PDXDC1: variants seen among roughly 807,000 people sequenced by gnomAD.
The protein encoded by PDXDC1 is pyridoxal dependent decarboxylase domain containing 1.
In PDXDC1, 42 loss-of-function variants were observed where a neutral mutation model predicts 100.1. That is an observed-to-expected ratio of 0.42 (90% CI 0.33 to 0.54). The LOEUF is 0.54. Ranked by LOEUF, PDXDC1 falls within the 20% of genes least tolerant of loss-of-function variation. PDXDC1 has a pLI of 0.10. For missense variants in PDXDC1, 636 were observed against 979.2 expected, an observed-to-expected ratio of 0.65 and a Z score of 4.68; for synonymous variants, 260 against 371.7, an observed-to-expected ratio of 0.70 and a Z score of 3.46.
downstream of PDXDC1, among the ~76,000 whole-genome samples, chr16:15,141,241 C>G (rs1175512099): frequency 6.6e-6 from 1 of 152,246 alleles, no homozygotes; most frequent in African/African-American, 2.4e-5. Context: ...GACGCACACA[C>G]AGGCTGCCTG....
intron 16 of PDXDC1, 112 bp from the exon 17 acceptor site, chr16:15,031,623 G>A (rs942762139): frequency 2.3e-5 from 19 of 837,952 alleles, no homozygotes; most frequent in Admixed American, 9.7e-5. Context: ...CATGGCTCCC[G>A]GTAACTGGAG....
At chr16:14,976,225 GTGCATACCCGGTTTTTCA>G (rs1243434637) in intron 1 of PDXDC1, among the ~76,000 whole-genome samples, 1 of 152,286 alleles carries the variant, frequency 6.6e-6, no homozygotes, top group Non-Finnish European at 1.5e-5. Context: ...GTCCAATCCA[GTGCATACCCGGTTTTTCA>G]TGCATGTGGC....
intron 1 of PDXDC1, among the ~76,000 whole-genome samples, chr16:14,978,659 T>G (rs1332906062): frequency 1.3e-5 from 2 of 152,294 alleles, no homozygotes; most frequent in African/African-American, 2.4e-5. Flanking sequence ...CCTCCCAAAG[T>G]GCTGGGATTA....
At chr16:15,140,028 C>T (rs1218411841), downstream of PDXDC1, among the ~76,000 whole-genome samples, 3 of 121,526 alleles carry the variant, frequency 2.5e-5, no homozygotes, top group East Asian at 2.7e-4. Flanking sequence ...ACCCGGGAGG[C>T]GAAGGTTGCA....
intron 16 of PDXDC1, chr16:15,061,375 A>T: frequency 4.7e-6 from 1 of 212,678 alleles, no homozygotes; most frequent in Non-Finnish European, 9.3e-6. Flanking sequence ...TCTGACAAAA[A>T]CCCATGTTAA....
At chr16:15,068,054 C>G in intron 16 of PDXDC1, 1 of 1,134,830 alleles carries the variant, frequency 8.8e-7, no homozygotes, top group Non-Finnish European at 1.3e-6. Context: ...AGCCACCACG[C>G]CTGGCCTTTT....
At chr16:15,115,094 C>T (rs1449418518) in intron 16 of PDXDC1, among the ~76,000 whole-genome samples, 1 of 147,248 alleles carries the variant, frequency 6.8e-6, no homozygotes, top group East Asian at 2.1e-4. Flanking sequence ...TGCCACCATG[C>T]CCGACTAATT....
rs1270155714 is a variant in PDXDC1 at position 15,031,137 on chromosome 16, C to CTTTTT, written c.1400-598_1400-597insTTTTT. On this transcript the variant is annotated intron_variant, in intron 16 of 22. Transcript: ENST00000396410. ...ATTTTTTTTTTTTTTTTTTTTTTTC[C>CTTTTT]ATAGAGACGTGGTCTCACTCTGTCA... Among the ~76,000 whole-genome samples the CTTTTT allele has an allele frequency of 8.7e-3, 995 of 114,090 alleles. 61 individuals carry two copies. The highest frequency in any genetic ancestry group is 0.028 in the South Asian group (97 of 3,502). The allele number at this position is 114,090 out of a possible 152,430, so 74.8% of individuals were successfully genotyped here.
intron 16 of PDXDC1, chr16:15,104,730 T>C (rs1312674966): frequency 2.5e-6 from 4 of 1,597,288 alleles, no homozygotes; most frequent in East Asian, 4.5e-5. Flanking sequence ...TCCTGAAGAA[T>C]GACGATGCTC....
intron 16 of PDXDC1, among the ~76,000 whole-genome samples, chr16:15,050,678 G>A (rs1240321543): frequency 6.6e-6 from 1 of 151,842 alleles, no homozygotes; most frequent in East Asian, 1.9e-4. Flanking sequence ...GCTGCAGCGA[G>A]CCATGATTGC....
intron 6 of PDXDC1, among the ~76,000 whole-genome samples, chr16:15,007,476 G>A (rs2040884850): frequency 6.6e-6 from 1 of 152,246 alleles, no homozygotes; most frequent in Admixed American, 6.5e-5. Context: ...GCCCAGCCGA[G>A]CATGACTATT....
At chr16:15,091,762 A>G (rs1253901503) in intron 16 of PDXDC1, among the ~76,000 whole-genome samples, 1 of 152,224 alleles carries the variant, frequency 6.6e-6, no homozygotes, top group Non-Finnish European at 1.5e-5. Context: ...TGGTTACTTA[A>G]CATTTTCCCT....
intron 16 of PDXDC1, among the ~76,000 whole-genome samples, chr16:15,091,539 T>C (rs912883023): frequency 6.6e-5 from 10 of 151,412 alleles, no homozygotes; most frequent in African/African-American, 2.4e-4. Context: ...TAAACACTCA[T>C]GTTAGTGCAG....
chr16:15,082,596 C>T (rs563490464), intron 16 of PDXDC1, among the ~76,000 whole-genome samples: 1 of 151,882 alleles, frequency 6.6e-6, no homozygotes, highest in Non-Finnish European at 1.5e-5. Context: ...TCACTTGAAC[C>T]CTGGAGGCAG....
At chr16:15,099,030 TCTTAAG>T (rs1193922514) in intron 16 of PDXDC1, among the ~76,000 whole-genome samples, 5 of 152,172 alleles carry the variant, frequency 3.3e-5, no homozygotes, top group Non-Finnish European at 5.9e-5. Context: ...AGCAATATCT[TCTTAAG>T]CTTGAGTGCA....
chr16:15,067,773 TAAGAGACAGGGTCTC>T (rs1318668120), intron 16 of PDXDC1, among the ~76,000 whole-genome samples: 1 of 152,094 alleles, frequency 6.6e-6, no homozygotes, highest in Non-Finnish European at 1.5e-5. Flanking sequence ...TTTGTTTGTT[TAAGAGACAGGGTCTC>T]ATTCTGGAGC....
chr16:15,099,285 T>G (rs190977464), intron 16 of PDXDC1, among the ~76,000 whole-genome samples: 579 of 151,814 alleles, frequency 3.8e-3, no homozygotes, highest in Admixed American at 6.6e-3. Context: ...GCAGGTGTGG[T>G]GGCAGGTGCC....
chr16:15,104,353 T>G, intron 16 of PDXDC1: 3 of 1,596,310 alleles, frequency 1.9e-6, no homozygotes, highest in Non-Finnish European at 2.5e-6. Context: ...TTCGTTAGTT[T>G]CTTCAGATTA....
chr16:15,027,758 A>T (rs887350337), intron 14 of PDXDC1, among the ~76,000 whole-genome samples: 2 of 152,250 alleles, frequency 1.3e-5, no homozygotes, highest in African/African-American at 4.8e-5. Flanking sequence ...TTTTCCACCA[A>T]TGTGTTCCTC....
Sources: allele counts gnomAD v4.1 joint callset (sites outside exome capture counted in the v4.1 genomes callset), GRCh38; gene constraint gnomAD v4.1.1; transcripts MANE v1.5; gene names NCBI Gene and HGNC (gene_info 2026-07-23, HGNC 2026-07-21).